Variants in LDB2 observed in about 807,000 individuals in gnomAD.
LDB2 encodes LIM domain-binding protein 2.
LDB2 carries 12 observed loss-of-function variants against 44.3 expected under a neutral mutation model. That is an observed-to-expected ratio of 0.27 (90% CI 0.17 to 0.44). LDB2 has a LOEUF of 0.44. Ranked by LOEUF, LDB2 falls within the 20% of genes least tolerant of loss-of-function variation. The pLI is 1.00. For missense variants in LDB2, 344 were observed against 473.5 expected (o/e 0.73, Z 2.54); for synonymous variants, 164 against 174.8 (o/e 0.94, Z 0.49).
rs16894155 is a variant in LDB2 at position 16,883,295 on chromosome 4, G to A, written c.132+15059C>T. On this transcript the variant is annotated intron_variant, in intron 1 of 7. Coordinates refer to ENST00000304523, the MANE Select transcript of LDB2 (RefSeq NM_001290.5). ...CCATCTAACTGGGATCGTAGACTGC[G>A]GCTGAAGAGAGAACCTTGGTGTTCA... 4.9e-3 allele frequency among the ~76,000 whole-genome samples: 753 copies of A among 152,314 alleles called. 5 individuals carry two copies. The highest frequency in any genetic ancestry group is 0.017 in the African/African-American group (708 of 41,546).
At chr4:16,870,279 A>G (rs771541404) in intron 1 of LDB2, among the ~76,000 whole-genome samples, 1 of 152,184 alleles carries the variant, frequency 6.6e-6, no homozygotes, top group Non-Finnish European at 1.5e-5. Flanking sequence ...TTCATTACAC[A>G]AAAAGGAGCG....
At chr4:16,683,999 A>T (rs1748598863) in intron 2 of LDB2, among the ~76,000 whole-genome samples, 2 of 152,168 alleles carry the variant, frequency 1.3e-5, no homozygotes, top group Non-Finnish European at 2.9e-5. Context: ...GGATCAGAAG[A>T]CCTGCCTAGA....
chr4:16,812,606 A>C (rs929752496), intron 1 of LDB2, among the ~76,000 whole-genome samples: 1 of 128,078 alleles, frequency 7.8e-6, no homozygotes, highest in South Asian at 2.5e-4. Flanking sequence ...ATATATATAT[A>C]TATATATATC....
intron 1 of LDB2, among the ~76,000 whole-genome samples, chr4:16,868,476 C>T (rs1424209976): frequency 2.0e-5 from 3 of 152,188 alleles, no homozygotes; most frequent in Non-Finnish European, 2.9e-5. Context: ...TCATCACCCC[C>T]ACCCAACCCC....
At chr4:16,776,976 C>A (rs1297610531) in intron 1 of LDB2, among the ~76,000 whole-genome samples, 1 of 152,204 alleles carries the variant, frequency 6.6e-6, no homozygotes, top group Admixed American at 6.5e-5. Flanking sequence ...GCCAATAACA[C>A]CCCCTTCAGT....
chr4:16,625,008 C>A (rs11931276), intron 2 of LDB2, among the ~76,000 whole-genome samples: 5 of 152,144 alleles, frequency 3.3e-5, no homozygotes, highest in Admixed American at 3.3e-4. Flanking sequence ...CTTTCAATGG[C>A]TCCCCATTGT....
At chr4:16,736,589 C>T (rs1018981417) in intron 2 of LDB2, among the ~76,000 whole-genome samples, 1 of 152,206 alleles carries the variant, frequency 6.6e-6, no homozygotes, top group Non-Finnish European at 1.5e-5. Flanking sequence ...GGTTCAAACC[C>T]TGCCCTTGCC....
chr4:16,557,916 C>A (rs907551954), intron 5 of LDB2, among the ~76,000 whole-genome samples: 1 of 152,216 alleles, frequency 6.6e-6, no homozygotes, highest in Admixed American at 6.5e-5. Flanking sequence ...CACGAAACTC[C>A]GCTGTTCTGC....
At chr4:16,692,561 C>CT (rs146043000) in intron 2 of LDB2, among the ~76,000 whole-genome samples, 2,939 of 151,612 alleles carry the variant, frequency 0.019, 81 homozygotes, top group African/African-American at 0.067. Flanking sequence ...AGAAAAAATA[C>CT]TTTTTTTTTC....
intron 1 of LDB2, among the ~76,000 whole-genome samples, chr4:16,812,979 A>C (rs1468659377): frequency 1.3e-5 from 2 of 151,958 alleles, no homozygotes; most frequent in Non-Finnish European, 2.9e-5. Flanking sequence ...CTTTTGAAGC[A>C]GGCGTGCCTC....
intron 2 of LDB2, among the ~76,000 whole-genome samples, chr4:16,754,400 A>C (rs1766083234): frequency 6.6e-6 from 1 of 152,242 alleles, no homozygotes; most frequent in African/African-American, 2.4e-5. Flanking sequence ...AATGCATAGA[A>C]GCTATGGTGA....
At chr4:16,687,029 T>C (rs1749414705) in intron 2 of LDB2, among the ~76,000 whole-genome samples, 2 of 151,838 alleles carry the variant, frequency 1.3e-5, no homozygotes, top group Non-Finnish European at 1.5e-5. Flanking sequence ...CTTGAGAATA[T>C]ATATTTTTCT....
chr4:16,608,919 CATT>C (rs1407712341), intron 2 of LDB2, among the ~76,000 whole-genome samples: 3 of 152,154 alleles, frequency 2.0e-5, no homozygotes, highest in African/African-American at 4.8e-5. Context: ...TCTCTTCTGT[CATT>C]ATTAAAAACT....
At chr4:16,776,053 C>A (rs1229621967) in intron 1 of LDB2, among the ~76,000 whole-genome samples, 1 of 152,210 alleles carries the variant, frequency 6.6e-6, no homozygotes, top group Non-Finnish European at 1.5e-5. Flanking sequence ...TGCCTGCCAG[C>A]ATCCATATTT....
intron 1 of LDB2, among the ~76,000 whole-genome samples, chr4:16,821,394 T>TC (rs1554036976): frequency 8.7e-5 from 13 of 149,310 alleles, no homozygotes; most frequent in Admixed American, 1.3e-4. Flanking sequence ...TTTATTTTTT[T>TC]TTTTTTGGAG....
chr4:16,588,515 C>G (rs548664610), intron 4 of LDB2, among the ~76,000 whole-genome samples, 195 bp downstream of exon 4: 29 of 152,166 alleles, frequency 1.9e-4, no homozygotes, highest in African/African-American at 7.0e-4. Flanking sequence ...ATGTACCAAT[C>G]TTGGAAACAA....
At chr4:16,726,271 A>C (rs1759435355) in intron 2 of LDB2, 1 of 152,162 alleles carries the variant, frequency 6.6e-6, no homozygotes, top group Non-Finnish European at 1.5e-5. Flanking sequence ...ATTCAGCTTC[A>C]TCCCCTCACC....
chr4:16,835,800 G>A (rs1177005588), intron 1 of LDB2, among the ~76,000 whole-genome samples: 1 of 152,184 alleles, frequency 6.6e-6, no homozygotes, highest in Non-Finnish European at 1.5e-5. Flanking sequence ...TTTGATAGGT[G>A]TGATGTTTTG....
At chr4:16,543,301 T>A (rs1272172391) in intron 5 of LDB2, among the ~76,000 whole-genome samples, 1 of 152,090 alleles carries the variant, frequency 6.6e-6, no homozygotes, top group Non-Finnish European at 1.5e-5. Flanking sequence ...AATGGGATGG[T>A]TGGGTCAAAT....
Sources: gnomAD v4.1 joint callset for allele counts (sites outside exome capture counted in the v4.1 genomes callset) on GRCh38, gnomAD v4.1.1 for gene constraint, MANE v1.5 for transcripts, NCBI Gene and HGNC (gene_info 2026-07-23, HGNC 2026-07-21) for gene names.